NFIL3: variants seen among roughly 807,000 people sequenced by gnomAD.
NFIL3 encodes nuclear factor, interleukin 3 regulated.
A neutral mutation model predicts 10.0 loss-of-function variants in NFIL3; 5 were observed. That is an observed-to-expected ratio of 0.50 (90% CI 0.26 to 1.06). NFIL3 has a LOEUF of 1.06. Among genes scored for constraint, NFIL3 ranks in the 50% least tolerant of loss-of-function variants. The pLI is 0.13. For synonymous variants in NFIL3, 202 were observed against 206.5 expected (o/e 0.98, Z 0.19); for missense variants, 436 against 547.6 (o/e 0.80, Z 2.03).
At chr9:91,477,287 G>A in the NFIL3 span, among the ~76,000 whole-genome samples, 1 of 152,140 alleles carries the variant, frequency 6.6e-6, no homozygotes, top group Non-Finnish European at 1.5e-5. Context: ...CTCCATCTCA[G>A]CGACAGGGAG....
the NFIL3 span, among the ~76,000 whole-genome samples, chr9:91,447,085 G>A: frequency 1.3e-5 from 2 of 152,096 alleles, no homozygotes; most frequent in Non-Finnish European, 2.9e-5. Flanking sequence ...CAAAATGCTG[G>A]GATTACAGAT....
At chr9:91,476,761 T>A in the NFIL3 span, among the ~76,000 whole-genome samples, 7 of 152,146 alleles carry the variant, frequency 4.6e-5, no homozygotes, top group African/African-American at 1.7e-4. Context: ...TTTTGTAAAT[T>A]AGGATAAAAG....
the NFIL3 span, among the ~76,000 whole-genome samples, chr9:91,453,944 A>G: frequency 2.0e-5 from 3 of 152,134 alleles, no homozygotes; most frequent in South Asian, 2.1e-4. Flanking sequence ...AAAGAACATC[A>G]CAACTAAGGT....
the NFIL3 span, among the ~76,000 whole-genome samples, chr9:91,468,003 G>A: frequency 2.0e-5 from 3 of 152,156 alleles, no homozygotes; most frequent in Non-Finnish European, 4.4e-5. Flanking sequence ...ACATATGTGT[G>A]CATGTGTCTT....
chr9:91,421,789 C>G (rs1197380491), intron 1 of NFIL3, among the ~76,000 whole-genome samples: 1 of 152,146 alleles, frequency 6.6e-6, no homozygotes, highest in Non-Finnish European at 1.5e-5. Context: ...ATACTCTGTT[C>G]CAGAGACGTC....
At chr9:91,413,439 C>T (rs1454033394) in intron 1 of NFIL3, among the ~76,000 whole-genome samples, 5 of 151,826 alleles carry the variant, frequency 3.3e-5, no homozygotes, top group African/African-American at 7.3e-5. Flanking sequence ...TTAGTAGAGA[C>T]GGGATTTTAC....
chr9:91,420,708 T>C (rs1318473951), intron 1 of NFIL3, among the ~76,000 whole-genome samples: 4 of 152,162 alleles, frequency 2.6e-5, no homozygotes, highest in African/African-American at 4.8e-5. Flanking sequence ...GCAGATTGCG[T>C]TGATATGCTT....
upstream of NFIL3, among the ~76,000 whole-genome samples, chr9:91,424,350 G>A (rs1833840094): frequency 6.6e-6 from 1 of 151,934 alleles, no homozygotes; most frequent in Admixed American, 6.6e-5. Flanking sequence ...GCGGCTACCC[G>A]GGCGTGGCCC....
chr9:91,436,649 A>G, the NFIL3 span, among the ~76,000 whole-genome samples: 1 of 152,150 alleles, frequency 6.6e-6, no homozygotes, highest in African/African-American at 2.4e-5. Context: ...GCTAAGGAGG[A>G]GTTAAGTATG....
the NFIL3 span, among the ~76,000 whole-genome samples, chr9:91,456,259 A>T: frequency 5.9e-5 from 9 of 152,132 alleles, no homozygotes; most frequent in Non-Finnish European, 8.8e-5. Context: ...GAATGATTGG[A>T]TCAGTCACAT....
intron 1 of NFIL3, among the ~76,000 whole-genome samples, chr9:91,418,890 C>T (rs893695942): frequency 3.3e-4 from 50 of 149,878 alleles, no homozygotes; most frequent in African/African-American, 1.1e-3. Context: ...AAGTTACTTA[C>T]AAAGAAATGT....
rs150612041 is a variant in NFIL3 at position 91,409,414 on chromosome 9, A to G, written c.1321T>C (p.Ser441Pro). The G allele has an allele frequency of 5.4e-4, 879 of 1,613,338 alleles. 6 individuals carry two copies. In the African/African-American group the frequency reaches 0.011, roughly 19 times the overall value. The change falls in exon 2 of 2, where the codon TCT (serine) becomes CCT (proline). Residue 441 changes from serine (S) to proline (P), a missense_variant. Ser to Pro is a moderately conservative substitution (Grantham distance 74, BLOSUM62 -1). Transcript: ENST00000297689. ...CTCTTGAGTGAGACAACCTCTGCAG[A>G]TAAGTTTGCTATCCCCTGCTTCAAA... is the stretch of plus-strand genomic sequence containing the variant. Reference protein sequence around the residue: ...LYLKQGIANLSAEVVSLKRLI... With the variant: ...LYLKQGIANLPAEVVSLKRLI...
At chr9:91,454,051 G>A in the NFIL3 span, among the ~76,000 whole-genome samples, 1 of 151,582 alleles carries the variant, frequency 6.6e-6, no homozygotes, top group Non-Finnish European at 1.5e-5. Context: ...TGGCCAACAG[G>A]GTGAAACATC....
chr9:91,431,660 C>G, the NFIL3 span, among the ~76,000 whole-genome samples: 1 of 152,124 alleles, frequency 6.6e-6, no homozygotes, highest in African/African-American at 2.4e-5. Flanking sequence ...ACAGTGGAAG[C>G]CGACGTGACT....
chr9:91,417,715 A>G lies in NFIL3; in HGVS notation c.-173+5925T>C, dbSNP rs1246247490. Among the ~76,000 whole-genome samples the G allele has an allele frequency of 3.3e-5, 5 of 152,146 alleles. No individual in the cohort carries two copies. In the East Asian group the frequency reaches 9.6e-4, roughly 29 times the overall value. On this transcript the variant is annotated intron_variant, in intron 1 of 1. Coordinates refer to ENST00000297689, the MANE Select transcript of NFIL3 (RefSeq NM_005384.3). ...TTTTAAGCTGAGAAAACTATGTTAA[A>G]CCTCTCTAAGGGCCATTCTGTCCCC... is the stretch of plus-strand genomic sequence containing the variant.
chr9:91,413,908 TAA>T (rs11329401), intron 1 of NFIL3, among the ~76,000 whole-genome samples: 13 of 149,704 alleles, frequency 8.7e-5, no homozygotes, highest in African/African-American at 2.7e-4. Context: ...TGTTCCTTCT[TAA>T]AAAAAAAAAT....
intron 1 of NFIL3, among the ~76,000 whole-genome samples, chr9:91,420,093 A>G (rs1057176140): frequency 3.9e-5 from 6 of 152,196 alleles, no homozygotes; most frequent in African/African-American, 1.4e-4. Flanking sequence ...CATTCCTGCT[A>G]CTATAATCGA....
the NFIL3 span, among the ~76,000 whole-genome samples, chr9:91,479,310 G>T: frequency 6.6e-6 from 1 of 152,182 alleles, no homozygotes; most frequent in East Asian, 1.9e-4. Context: ...GCCCCTGATT[G>T]GGGCTGCTGC....
At chr9:91,419,392 A>T (rs886495874) in intron 1 of NFIL3, among the ~76,000 whole-genome samples, 1 of 152,212 alleles carries the variant, frequency 6.6e-6, no homozygotes, top group Non-Finnish European at 1.5e-5. Context: ...AAATCCACTC[A>T]GCTGGTGAGT....
Sources: allele counts gnomAD v4.1 joint callset (sites outside exome capture counted in the v4.1 genomes callset), GRCh38; gene constraint gnomAD v4.1.1; transcripts MANE v1.5; gene names NCBI Gene and HGNC (gene_info 2026-07-23, HGNC 2026-07-21).